The following CLASP1 variants were observed in gnomAD, a reference collection of about 807,000 sequenced individuals.
CLASP1 encodes the protein CLIP-associating protein 1.
In CLASP1, 38 loss-of-function variants were observed where a neutral mutation model predicts 192.3. The observed-to-expected ratio is 0.20, with a 90% confidence interval of 0.15 to 0.26. CLASP1 has a LOEUF of 0.26. CLASP1 is among the 10% of genes least tolerant of loss of function. CLASP1 has a pLI of 1.00. For synonymous variants in CLASP1, 691 were observed against 712.8 expected, an observed-to-expected ratio of 0.97 and a Z score of 0.49; for missense variants, 1,433 against 1,932.5, an observed-to-expected ratio of 0.74 and a Z score of 4.85.
intron 19 of CLASP1, among the ~76,000 whole-genome samples, chr2:121,442,194 C>T (rs2083461831): frequency 6.6e-6 from 1 of 152,156 alleles, no homozygotes; most frequent in South Asian, 2.1e-4. Context: ...TACCATATGA[C>T]ATCTAATCAT....
At chr2:121,525,780 C>T in intron 6 of CLASP1, 65 bp downstream of exon 6, 2 of 1,124,166 alleles carry the variant, frequency 1.8e-6, no homozygotes, top group South Asian at 2.6e-5. Context: ...CACTACGGAA[C>T]ACCAGAATGC....
At chr2:121,344,340 CT>C (rs1296771297) in intron 39 of CLASP1, among the ~76,000 whole-genome samples, 1 of 150,426 alleles carries the variant, frequency 6.6e-6, no homozygotes, top group East Asian at 2.0e-4. Context: ...AAAAAAAAAC[CT>C]TTTTTTTTGA....
chr2:121,602,124 G>C (rs1381034782), intron 2 of CLASP1, among the ~76,000 whole-genome samples: 7 of 150,746 alleles, frequency 4.6e-5, no homozygotes, highest in African/African-American at 1.7e-4. Context: ...GCAGTGAGCC[G>C]AGATTACGCC....
At chr2:121,490,153 ATCTT>A (rs2093221877) in intron 8 of CLASP1, 3 of 347,646 alleles carry the variant, frequency 8.6e-6, no homozygotes, top group Admixed American at 7.9e-5. Flanking sequence ...ATTCATAACA[ATCTT>A]TCCCATGTTT....
chr2:121,370,965 G>T (rs939020440), intron 34 of CLASP1, among the ~76,000 whole-genome samples: 7 of 152,258 alleles, frequency 4.6e-5, no homozygotes, highest in African/African-American at 1.7e-4. Flanking sequence ...TCATTGAGAA[G>T]CCACAACTCA....
chr2:121,455,730 C>T (rs2086500080), intron 14 of CLASP1, among the ~76,000 whole-genome samples: 1 of 152,094 alleles, frequency 6.6e-6, no homozygotes, highest in South Asian at 2.1e-4. Context: ...GGCGTGGTGG[C>T]GGACGCCTAT....
intron 2 of CLASP1, among the ~76,000 whole-genome samples, chr2:121,545,549 G>A (rs990642034): frequency 6.6e-6 from 1 of 151,926 alleles, no homozygotes; most frequent in African/African-American, 2.4e-5. Flanking sequence ...GTAGAAATCT[G>A]GTCGGTTCTG....
At chr2:121,478,148 A>G (rs1368587744) in intron 8 of CLASP1, among the ~76,000 whole-genome samples, 1 of 152,216 alleles carries the variant, frequency 6.6e-6, no homozygotes, top group Non-Finnish European at 1.5e-5. Flanking sequence ...GCCATGTGCG[A>G]CTTATCCCAG....
In CLASP1 at chr2:121,599,587, C is replaced by CAA. The variant is rs763909303; in HGVS notation, c.195+6112_195+6113dup. ...TGGGCGAGAGAGTGAGACTCCATCT[C>CAA]AAAAAAAAAAAAAAAAAAAAAAAAA... On this transcript the variant is annotated intron_variant, in intron 2 of 39. Transcript: ENST00000263710. 3.6e-3 allele frequency among the ~76,000 whole-genome samples: 146 copies of CAA among 40,806 alleles called. 1 individual carries two copies. Among genetic ancestry groups the CAA allele is most frequent in the African/African-American group, 5.0e-3 (54 of 10,730 alleles). 26.8% of individuals were successfully genotyped at this position (40,806 alleles called of 152,430 possible).
At chr2:121,358,248 T>A (rs932060805) in intron 37 of CLASP1, among the ~76,000 whole-genome samples, 2 of 152,138 alleles carry the variant, frequency 1.3e-5, no homozygotes, top group African/African-American at 4.8e-5. Context: ...AACTGAAAAT[T>A]TAGAATTTGA....
At chr2:121,501,205 T>C (rs1475841809) in intron 8 of CLASP1, among the ~76,000 whole-genome samples, 1 of 152,230 alleles carries the variant, frequency 6.6e-6, no homozygotes, top group East Asian at 1.9e-4. Context: ...CCACTGCTTT[T>C]ACTTACTTGC....
intron 8 of CLASP1, among the ~76,000 whole-genome samples, chr2:121,498,250 C>A (rs1357819223): frequency 7.2e-6 from 1 of 139,570 alleles, no homozygotes. Flanking sequence ...CAGGCTGGAG[C>A]GCAGTGGTAC....
chr2:121,544,723 T>C (rs2095296734), intron 2 of CLASP1, among the ~76,000 whole-genome samples: 1 of 151,402 alleles, frequency 6.6e-6, no homozygotes, highest in African/African-American at 2.4e-5. Context: ...TTCCATTCCA[T>C]ACAAAAAGAA....
intron 2 of CLASP1, among the ~76,000 whole-genome samples, chr2:121,550,834 A>G (rs1210146535): frequency 6.6e-6 from 1 of 152,216 alleles, no homozygotes; most frequent in East Asian, 1.9e-4. Flanking sequence ...TACTCCAAAC[A>G]CTTGAGGAGG....
intron 6 of CLASP1, among the ~76,000 whole-genome samples, chr2:121,524,612 A>C (rs1438139031): frequency 6.6e-6 from 1 of 152,064 alleles, no homozygotes; most frequent in African/African-American, 2.4e-5. Flanking sequence ...GAACGCCACC[A>C]TGCCTGGCTA....
chr2:121,455,494 C>CAA (rs1242246455), intron 14 of CLASP1, among the ~76,000 whole-genome samples: 1 of 152,138 alleles, frequency 6.6e-6, no homozygotes, highest in African/African-American at 2.4e-5. Context: ...TAAATCTTGT[C>CAA]ATTTAAGACA....
At chr2:121,404,530 G>A (rs888567477) in intron 25 of CLASP1, 96 bp from the exon 27 acceptor site, 5 of 1,083,772 alleles carry the variant, frequency 4.6e-6, no homozygotes, top group Admixed American at 2.0e-5. Context: ...GCAGTGGTGC[G>A]ATCATAGCTC....
intron 8 of CLASP1, among the ~76,000 whole-genome samples, chr2:121,494,140 C>A (rs1042868605): frequency 1.3e-5 from 2 of 152,152 alleles, no homozygotes; most frequent in African/African-American, 2.4e-5. Flanking sequence ...TGAAGAGATA[C>A]CTGCACTGCC....
chr2:121,581,563 C>T (rs2061171652), intron 2 of CLASP1, among the ~76,000 whole-genome samples: 1 of 152,068 alleles, frequency 6.6e-6, no homozygotes, highest in Non-Finnish European at 1.5e-5. Context: ...CATGAGCCAC[C>T]GCGCCCGGCC....
Sources: gnomAD v4.1 joint callset for allele counts (sites outside exome capture counted in the v4.1 genomes callset) on GRCh38, gnomAD v4.1.1 for gene constraint, MANE v1.5 for transcripts, NCBI Gene and HGNC (gene_info 2026-07-23, HGNC 2026-07-21) for gene names.